PRDM6: variants seen among roughly 807,000 people sequenced by gnomAD.
The protein encoded by PRDM6 is putative histone-lysine N-methyltransferase PRDM6.
Under a neutral mutation model 60.8 loss-of-function variants are expected in PRDM6, and 25 were observed. The ratio of observed to expected loss-of-function variants is 0.41; its 90% CI spans 0.30 to 0.57. The LOEUF (loss-of-function observed/expected upper bound fraction) is 0.57, where lower values mean the gene tolerates loss of function less well. PRDM6 is among the 20% of genes least tolerant of loss of function. The probability of loss-of-function intolerance (pLI) is 0.27; values close to 1 mark genes in which losing one functional copy is unlikely to be tolerated. For missense variants in PRDM6, 839 were observed against 821.3 expected (o/e 1.02, Z -0.26); for synonymous variants, 407 against 357.4 (o/e 1.14, Z -1.57).
intron 3 of PRDM6, among the ~76,000 whole-genome samples, chr5:123,111,985 T>C (rs1018603645): frequency 3.9e-5 from 6 of 152,208 alleles, no homozygotes; most frequent in African/African-American, 1.4e-4. Context: ...AGATAGATGA[T>C]AGATGTACAT....
intron 3 of PRDM6, 129 bp downstream of exon 3, chr5:123,100,090 G>A (rs1233603761): frequency 3.0e-6 from 3 of 1,003,282 alleles, no homozygotes; most frequent in South Asian, 1.9e-5. Context: ...CCCCCAGAGG[G>A]TAGCGGAGAA....
intron 6 of PRDM6, chr5:123,173,370 T>C (rs1165668957): frequency 6.0e-6 from 1 of 166,980 alleles, no homozygotes; most frequent in Admixed American, 6.5e-5. Context: ...CCAAGCTAAT[T>C]TAGAGTTACT....
Position 123,090,071 on chromosome 5 carries a change from C to T in PRDM6, c.57C>T (p.Tyr19=), listed in dbSNP as rs1236466076. The T allele has an allele frequency of 1.5e-5, 23 of 1,548,266 alleles. No homozygotes were observed. Among genetic ancestry groups the T allele is most frequent in the Non-Finnish European group, 1.7e-5 (20 of 1,145,976 alleles). ...GSAFLKVDPA[Y]LQHWQQLFPH... ...CCTTCCTCAAAGTGGACCCAGCCTACCTGCAGCACTGGCAGCAACTCTTCC... is the reference window on the plus strand; with the variant it reads ...CCTTCCTCAAAGTGGACCCAGCCTATCTGCAGCACTGGCAGCAACTCTTCC... Residue 19 remains tyrosine (Y), a synonymous_variant, in exon 2 of 8, where the codon TAC becomes TAT. Coordinates refer to ENST00000407847, the MANE Select transcript of PRDM6 (RefSeq NM_001136239.4).
At chr5:123,102,626 A>T (rs968007105) in intron 3 of PRDM6, among the ~76,000 whole-genome samples, 2 of 152,122 alleles carry the variant, frequency 1.3e-5, no homozygotes, top group Non-Finnish European at 2.9e-5. Flanking sequence ...AAAATGTATT[A>T]AAAAAATTAA....
At chr5:123,121,058 G>A (rs1446446446) in intron 3 of PRDM6, among the ~76,000 whole-genome samples, 3 of 152,144 alleles carry the variant, frequency 2.0e-5, no homozygotes, top group African/African-American at 7.2e-5. Context: ...ACTCACTGAT[G>A]TTTTTAAAAT....
intron 3 of PRDM6, among the ~76,000 whole-genome samples, chr5:123,153,903 T>G (rs1305605873): frequency 6.6e-6 from 1 of 152,142 alleles, no homozygotes; most frequent in Non-Finnish European, 1.5e-5. Context: ...TCAAAATGCT[T>G]CATAATAATT....
intron 3 of PRDM6, among the ~76,000 whole-genome samples, chr5:123,138,027 A>AC (rs55805567): frequency 0.55 from 82,863 of 151,172 alleles, 22,855 homozygotes; most frequent in East Asian, 0.61. Context: ...CTCTGGGTTC[A>AC]CCCCCGCACC....
At chr5:123,182,382 C>A (rs111624761) in intron 7 of PRDM6, among the ~76,000 whole-genome samples, 23 of 152,320 alleles carry the variant, frequency 1.5e-4, no homozygotes, top group African/African-American at 4.6e-4. Flanking sequence ...ATCCTTCTGG[C>A]CCCTTATATT....
At chr5:123,107,674 A>C (rs1764225429) in intron 3 of PRDM6, among the ~76,000 whole-genome samples, 1 of 152,202 alleles carries the variant, frequency 6.6e-6, no homozygotes, top group African/African-American at 2.4e-5. Context: ...AAATAATAAC[A>C]CTTTAGAAAA....
At chr5:123,163,556 A>C (rs1400318615) in intron 5 of PRDM6, among the ~76,000 whole-genome samples, 1 of 152,102 alleles carries the variant, frequency 6.6e-6, no homozygotes, top group Non-Finnish European at 1.5e-5. Context: ...TTTCTTTTTT[A>C]AAAAGTCGTA....
At chr5:123,110,340 C>T (rs1279204427) in intron 3 of PRDM6, among the ~76,000 whole-genome samples, 5 of 147,266 alleles carry the variant, frequency 3.4e-5, no homozygotes, top group African/African-American at 1.3e-4. Context: ...CTCACTGCAA[C>T]GTCCACCTCC....
intron 3 of PRDM6, among the ~76,000 whole-genome samples, chr5:123,120,250 A>G (rs1764551261): frequency 2.0e-5 from 3 of 152,244 alleles, no homozygotes; most frequent in African/African-American, 4.8e-5. Context: ...AATATTCTAG[A>G]TGCTGTTTTG....
chr5:123,161,231 T>C (rs973763180), intron 5 of PRDM6, among the ~76,000 whole-genome samples: 19 of 152,316 alleles, frequency 1.2e-4, no homozygotes, highest in Middle Eastern at 3.4e-3. Context: ...GCCAAACATT[T>C]ATTCATTCAT....
intron 5 of PRDM6, among the ~76,000 whole-genome samples, chr5:123,160,864 T>G (rs937924423): frequency 6.6e-6 from 1 of 152,240 alleles, no homozygotes; most frequent in Admixed American, 6.5e-5. Flanking sequence ...AGGGAGTTCC[T>G]GTTTTCATAG....
chr5:123,179,929 G>A (rs1766107922), intron 6 of PRDM6, among the ~76,000 whole-genome samples: 1 of 152,192 alleles, frequency 6.6e-6, no homozygotes, highest in South Asian at 2.1e-4. Context: ...GTACTGGAAA[G>A]GGGTATTCAT....
chr5:123,144,581 C>T (rs480764), intron 3 of PRDM6, among the ~76,000 whole-genome samples: 47,550 of 151,728 alleles, frequency 0.31, 7,863 homozygotes, highest in Middle Eastern at 0.37. Flanking sequence ...TAGTCCTCAG[C>T]GTGGGACAGT....
intron 6 of PRDM6, chr5:123,173,524 G>C (rs1263468871): frequency 3.6e-5 from 6 of 167,000 alleles, no homozygotes; most frequent in African/African-American, 1.2e-4. Flanking sequence ...TGCCAGAGTG[G>C]GATTAAATTA....
chr5:123,176,270 T>TAAAAAAA (rs780046640), intron 6 of PRDM6, among the ~76,000 whole-genome samples: 18 of 121,324 alleles, frequency 1.5e-4, no homozygotes, highest in African/African-American at 5.3e-4. Flanking sequence ...TCTCAAATGG[T>TAAAAAAA]AAAAAAAAAA....
intron 3 of PRDM6, among the ~76,000 whole-genome samples, chr5:123,150,764 G>T (rs1231400927): frequency 2.0e-5 from 3 of 152,172 alleles, no homozygotes; most frequent in African/African-American, 7.2e-5. Flanking sequence ...TACTCCATGA[G>T]CTGTGAAAGG....
Sources: allele counts gnomAD v4.1 joint callset (sites outside exome capture counted in the v4.1 genomes callset), GRCh38; gene constraint gnomAD v4.1.1; transcripts MANE v1.5; gene names NCBI Gene and HGNC (gene_info 2026-07-23, HGNC 2026-07-21).